SOX5: variants seen among roughly 807,000 people sequenced by gnomAD.
SOX5 encodes the protein transcription factor SOX-5.
SOX5 carries 9 observed loss-of-function variants against 92.0 expected under a neutral mutation model. The ratio of observed to expected loss-of-function variants is 0.10; its 90% CI spans 0.06 to 0.17. The LOEUF (loss-of-function observed/expected upper bound fraction) is 0.17. Ranked by LOEUF, SOX5 falls within the 10% of genes least tolerant of loss-of-function variation. The pLI, the probability that SOX5 is intolerant of heterozygous loss-of-function variation, is 1.00. For synonymous variants in SOX5, 344 were observed against 336.3 expected (o/e 1.02, Z -0.25); for missense variants, 642 against 944.5 (o/e 0.68, Z 4.20).
intron 4 of SOX5, among the ~76,000 whole-genome samples, chr12:24,035,079 T>C (rs1955887328): frequency 6.6e-6 from 1 of 152,126 alleles, no homozygotes; most frequent in South Asian, 2.1e-4. Flanking sequence ...GCAATGCTTT[T>C]TTCTGTACCT....
In SOX5 at chr12:24,131,384, TG is replaced by T. The variant is rs1472152720; in HGVS notation, c.-2+81958del. On this transcript the variant is annotated intron_variant, in intron 4 of 4. Coordinates refer to the SOX5 transcript ENST00000446891. ...TCTGTGACATGATTTGACATTAGAC[TG>T]GGAGTTCCTAGCGGGCAAGAGATAT... Among the ~76,000 whole-genome samples the T allele has an allele frequency of 9.8e-5, 15 of 152,294 alleles. 1 individual carries two copies. The highest frequency in any genetic ancestry group is 7.2e-4 in the Admixed American group (11 of 15,284).
chr12:24,078,672 C>A (rs1569535675), intron 4 of SOX5, among the ~76,000 whole-genome samples: 2 of 151,992 alleles, frequency 1.3e-5, no homozygotes, highest in African/African-American at 4.8e-5. Flanking sequence ...CACTGTGACT[C>A]ATGGTAAGAA....
chr12:24,095,613 TA>T (rs1219898601), intron 4 of SOX5, among the ~76,000 whole-genome samples: 1 of 152,134 alleles, frequency 6.6e-6, no homozygotes, highest in Non-Finnish European at 1.5e-5. Flanking sequence ...AGATTATCAT[TA>T]ACCAACTCTG....
intron 4 of SOX5, among the ~76,000 whole-genome samples, chr12:23,992,721 C>T (rs1221709709): frequency 1.3e-5 from 2 of 151,986 alleles, no homozygotes; most frequent in Non-Finnish European, 2.9e-5. Context: ...CTTTGAGGTC[C>T]ATTTTTTATA....
At chr12:23,988,950 T>TTAG (rs1427741834) in intron 4 of SOX5, among the ~76,000 whole-genome samples, 1 of 152,142 alleles carries the variant, frequency 6.6e-6, no homozygotes, top group Non-Finnish European at 1.5e-5. Context: ...TGAATAGTGT[T>TTAG]TTCTAGAGTT....
chr12:24,438,955 G>T (rs1939988786), intron 1 of SOX5, among the ~76,000 whole-genome samples: 2 of 152,214 alleles, frequency 1.3e-5, no homozygotes, highest in Non-Finnish European at 2.9e-5. Flanking sequence ...TTCTACTGTG[G>T]GTAAAATGCT....
At chr12:23,560,284 G>A (rs934436612) in intron 11 of SOX5, among the ~76,000 whole-genome samples, 1 of 152,170 alleles carries the variant, frequency 6.6e-6, no homozygotes, top group African/African-American at 2.4e-5. Context: ...AGTGCAAAAT[G>A]TAAGAGGAAT....
chr12:24,372,523 A>G (rs574212001), intron 1 of SOX5, among the ~76,000 whole-genome samples: 78 of 152,098 alleles, frequency 5.1e-4, no homozygotes, highest in Non-Finnish European at 9.3e-4. Flanking sequence ...TCCTTTATCC[A>G]GTCTATCACT....
At chr12:23,638,680 G>A (rs372088391) in intron 8 of SOX5, among the ~76,000 whole-genome samples, 2 of 152,086 alleles carry the variant, frequency 1.3e-5, no homozygotes, top group Non-Finnish European at 2.9e-5. Context: ...GGGAGGGAGA[G>A]TAACAGATAT....
intron 1 of SOX5, among the ~76,000 whole-genome samples, chr12:24,407,233 T>C (rs1226044173): frequency 6.6e-6 from 1 of 151,954 alleles, no homozygotes; most frequent in Non-Finnish European, 1.5e-5. Context: ...TAGATCGAGG[T>C]GTGCCCCGGC....
At chr12:23,804,173 T>G (rs994465096) in intron 3 of SOX5, among the ~76,000 whole-genome samples, 1 of 152,072 alleles carries the variant, frequency 6.6e-6, no homozygotes, top group Non-Finnish European at 1.5e-5. Flanking sequence ...CAAAATCTCA[T>G]GGAAGAAATA....
chr12:24,519,143 T>C (rs993600495), intron 1 of SOX5, among the ~76,000 whole-genome samples: 10 of 152,150 alleles, frequency 6.6e-5, no homozygotes, highest in African/African-American at 1.7e-4. Flanking sequence ...ATTAAATCAT[T>C]GTACAATTTT....
At chr12:23,677,326 GTTCT>G (rs1419849583) in intron 6 of SOX5, among the ~76,000 whole-genome samples, 4 of 152,100 alleles carry the variant, frequency 2.6e-5, no homozygotes, top group African/African-American at 9.7e-5. Flanking sequence ...GCATTTACGT[GTTCT>G]TTAAGATAAA....
chr12:23,978,403 A>G (rs1949155563), intron 4 of SOX5, among the ~76,000 whole-genome samples: 1 of 152,226 alleles, frequency 6.6e-6, no homozygotes, highest in East Asian at 1.9e-4. Context: ...CTTTGGGGTT[A>G]ATAATAGGAA....
chr12:23,846,294 T>C (rs2096574443), intron 2 of SOX5, 101 bp from the exon 3 acceptor site: 2 of 921,902 alleles, frequency 2.2e-6, no homozygotes. Flanking sequence ...GGACAAATAA[T>C]TGTTTAAAAT....
chr12:23,602,973 A>G (rs772789475), intron 9 of SOX5, among the ~76,000 whole-genome samples: 1 of 152,134 alleles, frequency 6.6e-6, no homozygotes, highest in Non-Finnish European at 1.5e-5. Context: ...AGATCTTCAA[A>G]GTGGCATATG....
At chr12:24,110,418 A>C (rs1157230239) in intron 4 of SOX5, among the ~76,000 whole-genome samples, 1 of 152,230 alleles carries the variant, frequency 6.6e-6, no homozygotes, top group Middle Eastern at 3.2e-3. Context: ...GTCCCACATC[A>C]AGTGCTTGCT....
At position 24,379,620 on chromosome 12, in the gene SOX5, A is replaced by T. The variant is rs566393854; in HGVS notation, c.-250-10981T>A. Among the ~76,000 whole-genome samples the T allele has an allele frequency of 2.0e-5, 3 of 152,306 alleles. No homozygotes were observed. In the South Asian group the frequency reaches 6.2e-4, roughly 32 times the overall value. On this transcript the variant is annotated intron_variant, in intron 1 of 4. Transcript: ENST00000446891. ...ATATGGAGAAATCTCTATTGCAGCA[A>T]GAAAGAGTGAAGCCGACATTCAAAG... is the stretch of plus-strand genomic sequence containing the variant.
intron 3 of SOX5, among the ~76,000 whole-genome samples, chr12:23,787,814 A>C (rs1240398785): frequency 6.6e-6 from 1 of 151,928 alleles, no homozygotes; most frequent in Non-Finnish European, 1.5e-5. Flanking sequence ...TAAGGGTTAT[A>C]AAATTCATGA....
Sources: gnomAD v4.1 joint callset for allele counts (sites outside exome capture counted in the v4.1 genomes callset) on GRCh38, gnomAD v4.1.1 for gene constraint, MANE v1.5 for transcripts, NCBI Gene and HGNC (gene_info 2026-07-23, HGNC 2026-07-21) for gene names.